The following ADAMTSL4 variants were observed in gnomAD, a reference collection of about 807,000 sequenced individuals.
ADAMTSL4 encodes ADAMTS-like protein 4.
In ADAMTSL4, 97 loss-of-function variants were observed where a neutral mutation model predicts 122.8. The ratio of observed to expected loss-of-function variants is 0.79; its 90% CI spans 0.67 to 0.93. The LOEUF is 0.93. ADAMTSL4 is among the 40% of genes least tolerant of loss of function. ADAMTSL4 has a pLI of 0.00. For missense variants in ADAMTSL4, 1,408 were observed against 1,453.5 expected, an observed-to-expected ratio of 0.97 and a Z score of 0.51; for synonymous variants, 592 against 568.0, an observed-to-expected ratio of 1.04 and a Z score of -0.60.
rs1272576990 is a variant in ADAMTSL4, at chr1:150,553,731, C to T, written c.740C>T (p.Ala247Val). The stretch of plus-strand genomic sequence containing the variant: ...GAGGTGGCCCCCAGAACCAGGCCTG[C>T]CCCCCTACGGCATCACCCCAGAGCC... ...QTEVAPRTRP[A>V]PLRHHPRAQA... The change falls in exon 6 of 19, where the codon GCC becomes GTC. Residue 247 changes from alanine to valine, a missense_variant. Ala to Val is a moderately conservative substitution (Grantham distance 64). Coordinates refer to ENST00000271643, the MANE Select transcript of ADAMTSL4 (RefSeq NM_019032.6). 1.9e-6 allele frequency: 3 copies of T among 1,613,016 alleles called. No individual in the cohort carries two copies. The highest frequency in any genetic ancestry group is 2.5e-6 in the Non-Finnish European group (3 of 1,179,504).
rs777418667 is a variant in ADAMTSL4, at chr1:150,556,291, CAGA to C, written c.1505_1507del (p.Lys502del). On this transcript the variant is annotated inframe_deletion, in exon 9 of 19. Transcript: ENST00000271643. This position sits in a 1 kb window ranked among gnomAD's most constrained non-coding sequence, Gnocchi z 4.1. ...TGACCGAGGGGGCCCCCTGGGCTAT[CAGA>C]AGATCTTGTGGATTCCAGCGGGAGC... 1 of 1,614,132 alleles carries C rather than the reference CAGA, an allele frequency of 6.2e-7. No individual in the cohort carries two copies. The highest frequency in any genetic ancestry group is 1.7e-5 in the Admixed American group (1 of 60,030).
Position 150,559,585 on chromosome 1 carries a change from T to TA in ADAMTSL4, c.2943+120dup. 1 of 1,559,662 alleles carries TA rather than the reference T, an allele frequency of 6.4e-7. No homozygotes were observed. Among genetic ancestry groups the TA allele is most frequent in the Non-Finnish European group, 8.7e-7 (1 of 1,145,086 alleles). On this transcript the variant is annotated intron_variant, in intron 17 of 18. Transcript: ENST00000271643. This position sits in a 1 kb window ranked among gnomAD's most constrained non-coding sequence, Gnocchi z 4.1. Reference sequence around the variant, plus strand: ...CCCCAGAATAAGCCCAGCCAAGCGTTACCACTGTCCTACTTCTTATAGACT... The same window carrying TA: ...CCCCAGAATAAGCCCAGCCAAGCGTTAACCACTGTCCTACTTCTTATAGACT...
rs1398545865 is a variant in ADAMTSL4 at position 150,559,815 on chromosome 1, A to T, written c.2998A>T (p.Thr1000Ser). ...GACACGGGAGGTCCAGTGCCTGAGC[A>T]CCAACCAGACCCTCAGCACCCGATG... ...TQTREVQCLSTNQTLSTRCPP... is the reference protein window; with the variant it reads ...TQTREVQCLSSNQTLSTRCPP... Residue 1000 changes from threonine (T) to serine (S), a missense_variant, in exon 18 of 19, where the codon ACC (threonine) becomes TCC (serine). Transcript: ENST00000271643. The surrounding 1 kb of genome is among the most constrained non-coding windows in gnomAD (Gnocchi z 4.1). 1 of 1,613,918 alleles carries T rather than the reference A, an allele frequency of 6.2e-7. No individual in the cohort carries two copies. Among genetic ancestry groups the T allele is most frequent in the South Asian group, 1.1e-5 (1 of 91,076 alleles).
intron 15 of ADAMTSL4, 150 bp from the exon 16 acceptor site, chr1:150,558,812 C>CG: frequency 6.5e-7 from 1 of 1,541,714 alleles, no homozygotes; most frequent in Non-Finnish European, 8.7e-7. Flanking sequence ...ATGAGGGGCC[C>CG]GGCTAGGATT....
At position 150,552,114 on chromosome 1, in the gene ADAMTSL4, T is replaced by C; in HGVS notation, c.-84-91T>C. On this transcript the variant is annotated intron_variant, in intron 2 of 18. Coordinates refer to ENST00000271643, the MANE Select transcript of ADAMTSL4 (RefSeq NM_019032.6). This position sits in a 1 kb window ranked among gnomAD's most constrained non-coding sequence, Gnocchi z 4.0. The stretch of plus-strand genomic sequence containing the variant: ...AGGATCCTAAAGGGATGGACCAGTT[T>C]CACCCCCTCCTCCATATTCTCTGAG... The C allele has an allele frequency of 1.5e-6, 1 of 663,772 alleles. No homozygotes were observed. Among genetic ancestry groups the C allele is most frequent in the East Asian group, 2.7e-5 (1 of 36,380 alleles). 41.1% of individuals were successfully genotyped at this position (663,772 alleles called of 1,614,324 possible). A position where few individuals can be genotyped will look rare whatever the true frequency, so the allele number is the denominator to read the frequency against.
intron 15 of ADAMTSL4, 67 bp downstream of exon 15, chr1:150,558,716 C>G (rs1466004547): frequency 6.2e-7 from 1 of 1,612,492 alleles, no homozygotes; most frequent in Non-Finnish European, 8.5e-7. Flanking sequence ...CTCAGCCTTT[C>G]CAGCATAGCT....
Position 150,552,509 on chromosome 1 carries a change from G to T in ADAMTSL4, c.21-34G>T, listed in dbSNP as rs977546945. Reference sequence around the variant, plus strand: ...TGTTGCAACACCCCCTCTGGCTCCAGTCTGACGTCCCTCCCCTGGCCTTTG... The same window carrying T: ...TGTTGCAACACCCCCTCTGGCTCCATTCTGACGTCCCTCCCCTGGCCTTTG... On this transcript the variant is annotated intron_variant, in intron 3 of 18. Coordinates refer to ENST00000271643, the MANE Select transcript of ADAMTSL4 (RefSeq NM_019032.6). The surrounding 1 kb of genome is among the most constrained non-coding windows in gnomAD (Gnocchi z 4.0). 1.2e-6 allele frequency: 2 copies of T among 1,613,960 alleles called. No individual in the cohort carries two copies. Among genetic ancestry groups the T allele is most frequent in the Non-Finnish European group, 1.7e-6 (2 of 1,179,870 alleles).
At chr1:150,550,471 A>G (rs1339765194) in intron 2 of ADAMTSL4, 1 of 397,264 alleles carries the variant, frequency 2.5e-6, no homozygotes, top group African/African-American at 2.1e-5. Context: ...GGATGGGATT[A>G]TGTGTACTGG....
intron 2 of ADAMTSL4, chr1:150,551,390 C>G (rs933413967): frequency 4.3e-6 from 1 of 230,462 alleles, no homozygotes; most frequent in Non-Finnish European, 8.9e-6. Flanking sequence ...CCTGGATGTT[C>G]CCTAAAGAGC....
chr1:150,552,256 C>G lies in ADAMTSL4; in HGVS notation c.-33C>G. 6.4e-7 allele frequency: 1 copy of G among 1,550,472 alleles called. No homozygotes were observed. The highest frequency in any genetic ancestry group is 8.7e-7 in the Non-Finnish European group (1 of 1,146,142). Reference sequence around the variant, plus strand: ...GCGTAGTTTTTGTGACCAGTCCGCTCCTGCCTCCCCCTGGGGCAGTAGAGG... The same window carrying G: ...GCGTAGTTTTTGTGACCAGTCCGCTGCTGCCTCCCCCTGGGGCAGTAGAGG... On this transcript the variant is annotated 5_prime_UTR_variant, in exon 3 of 19. Transcript: ENST00000271643. The surrounding 1 kb of genome is among the most constrained non-coding windows in gnomAD (Gnocchi z 4.0).
chr1:150,555,830 GAC>G (rs888005982), intron 8 of ADAMTSL4: 49 of 615,644 alleles, frequency 8.0e-5, no homozygotes, highest in South Asian at 4.4e-4. Context: ...CACGTATGCA[GAC>G]ACATGCACAC....
At position 150,552,328 on chromosome 1, in the gene ADAMTSL4, G is replaced by A. The variant is rs1671499873; in HGVS notation, c.20+20G>A. 6.4e-7 allele frequency: 1 copy of A among 1,554,830 alleles called. No individual in the cohort carries two copies. Among genetic ancestry groups the A allele is most frequent in the African/African-American group, 1.4e-5 (1 of 73,578 alleles). ...TGGCAGGTGAGAGAAGGGGCCACGG[G>A]TTGGGGGGGAGGAAAAGGGGAGGTG... On this transcript the variant is annotated intron_variant, in intron 3 of 18. Transcript: ENST00000271643. This position sits in a 1 kb window ranked among gnomAD's most constrained non-coding sequence, Gnocchi z 4.0.
At position 150,559,882 on chromosome 1, in the gene ADAMTSL4, G is replaced by T; in HGVS notation, c.3065G>T (p.Ser1022Ile). 6.2e-7 allele frequency: 1 copy of T among 1,613,932 alleles called. No individual in the cohort carries two copies. The highest frequency in any genetic ancestry group is 8.5e-7 in the Non-Finnish European group (1 of 1,180,014). The change falls in exon 18 of 19, where the codon AGC becomes ATC. Residue 1022 changes from serine (S) to isoleucine (I), a missense_variant. Physicochemically the swap from Ser to Ile is moderately radical, Grantham distance 142. Coordinates refer to ENST00000271643, the MANE Select transcript of ADAMTSL4 (RefSeq NM_019032.6). The surrounding 1 kb of genome is among the most constrained non-coding windows in gnomAD (Gnocchi z 4.1). ...CCCTCCAGGAAGCGCCCCTGTAACA[G>T]CCAACCCTGCAGCCAGCGCCCTGGT... Reference protein sequence around the residue: ...LRPSRKRPCNSQPCSQRPDDQ... With the variant: ...LRPSRKRPCNIQPCSQRPDDQ...
At chr1:150,557,752 A>G (rs1428808963) in intron 13 of ADAMTSL4, 129 bp downstream of exon 13, 2 of 1,355,576 alleles carry the variant, frequency 1.5e-6, no homozygotes, top group African/African-American at 1.5e-5. Flanking sequence ...TAGATTAGAA[A>G]GGCAGACATT....
Position 150,558,040 on chromosome 1 carries a change from G to A in ADAMTSL4, c.2273G>A (p.Gly758Asp). 6.2e-7 allele frequency: 1 copy of A among 1,612,798 alleles called. No individual in the cohort carries two copies. Among genetic ancestry groups the A allele is most frequent in the Non-Finnish European group, 8.5e-7 (1 of 1,179,864 alleles). Residue 758 changes from glycine (G) to aspartate (D), a missense_variant, in exon 14 of 19, where the codon GGC (glycine) becomes GAC (aspartate). Coordinates refer to ENST00000271643, the MANE Select transcript of ADAMTSL4 (RefSeq NM_019032.6). The stretch of plus-strand genomic sequence containing the variant: ...TGCCGGCAGGAATTTGGGGGGGGTG[G>A]CTCCTCGGTGCCCCCGGAGCGCTGT... ...LQCRQEFGGG[G>D]SSVPPERCGH...
rs763822682 is a variant in ADAMTSL4 at position 150,554,515 on chromosome 1, A to T, written c.1234+48A>T. The stretch of plus-strand genomic sequence containing the variant: ...GGGCAGTGGTGGCTTGGAATTGGGG[A>T]TGAAGGGGAGAGGAGATACCTGCTT... On this transcript the variant is annotated intron_variant, in intron 7 of 18. Coordinates refer to ENST00000271643, the MANE Select transcript of ADAMTSL4 (RefSeq NM_019032.6). This position sits in a 1 kb window ranked among gnomAD's most constrained non-coding sequence, Gnocchi z 4.0. 3.7e-6 allele frequency: 6 copies of T among 1,611,728 alleles called. No homozygotes were observed. The East Asian group carries it at 1.3e-4, about 36-fold the overall frequency.
In ADAMTSL4 at chr1:150,559,724, T is replaced by A. The variant is rs1460518333; in HGVS notation, c.2944-37T>A. On this transcript the variant is annotated intron_variant, in intron 17 of 18. Coordinates refer to ENST00000271643, the MANE Select transcript of ADAMTSL4 (RefSeq NM_019032.6). This position sits in a 1 kb window ranked among gnomAD's most constrained non-coding sequence, Gnocchi z 4.1. ...CAGGGGTTAAGGAGAATCCCGGGCC[T>A]GGCAAAGGTCTGATATGATGGCTGG... 6.2e-7 allele frequency: 1 copy of A among 1,613,406 alleles called. No individual in the cohort carries two copies. Among genetic ancestry groups the A allele is most frequent in the East Asian group, 2.2e-5 (1 of 44,898 alleles).
chr1:150,558,351 A>G lies in ADAMTSL4; in HGVS notation c.2383-122A>G, dbSNP rs1560301860. 12 of 1,547,616 alleles carry G rather than the reference A, an allele frequency of 7.8e-6. No individual in the cohort carries two copies. In the East Asian group the frequency reaches 2.4e-4, roughly 31 times the overall value. On this transcript the variant is annotated intron_variant, in intron 14 of 18. Coordinates refer to ENST00000271643, the MANE Select transcript of ADAMTSL4 (RefSeq NM_019032.6). ...TAGGGCTCAGCCTCCTCCTCAGCCC[A>G]CGAAGCCATGTGACTGCTGGGCTGG...
At position 150,555,868 on chromosome 1, in the gene ADAMTSL4, C is replaced by T. The variant is rs1672048337; in HGVS notation, c.1372-294C>T. 3 of 598,600 alleles carry T rather than the reference C, an allele frequency of 5.0e-6. No individual in the cohort carries two copies. The South Asian group carries it at 5.8e-5, about 12-fold the overall frequency. The allele number at this position is 598,600 out of a possible 1,614,324, so 37.1% of individuals were successfully genotyped here. A position where few individuals can be genotyped will look rare whatever the true frequency, so the allele number is the denominator to read the frequency against. On this transcript the variant is annotated intron_variant, in intron 8 of 18. Coordinates refer to ENST00000271643, the MANE Select transcript of ADAMTSL4 (RefSeq NM_019032.6). Reference sequence around the variant, plus strand: ...ACATGTAGACACACATGCATGAACACATGCACACATGCACACACACGTATT... The same window carrying T: ...ACATGTAGACACACATGCATGAACATATGCACACATGCACACACACGTATT...
Sources: gnomAD v4.1 joint callset for allele counts on GRCh38, gnomAD v4.1.1 for gene constraint, Gnocchi (gnomAD v3.1) non-coding constraint, MANE v1.5 for transcripts, NCBI Gene and HGNC (gene_info 2026-07-23, HGNC 2026-07-21) for gene names.